ARHGAP20: variants seen among roughly 807,000 people sequenced by gnomAD.
ARHGAP20 encodes Rho GTPase activating protein 20, also known as rho GTPase-activating protein 20.
In ARHGAP20, 34 loss-of-function variants were observed where a neutral mutation model predicts 73.7. The observed-to-expected ratio is 0.46, with a 90% confidence interval of 0.35 to 0.61. The LOEUF is 0.61. Ranked by LOEUF, ARHGAP20 falls within the 20% of genes least tolerant of loss-of-function variation. The pLI is 0.00. For missense variants in ARHGAP20, 1,314 were observed against 1,420.9 expected (o/e 0.92, Z 1.21); for synonymous variants, 523 against 518.2 (o/e 1.01, Z -0.13).
intron 1 of ARHGAP20, chr11:110,711,885 T>C: frequency 3.8e-6 from 5 of 1,309,976 alleles, no homozygotes; most frequent in Non-Finnish European, 4.8e-6. Context: ...GGCTGCGAGG[T>C]CGCTCGAGGA....
chr11:110,597,910 C>T (rs1948011312), intron 9 of ARHGAP20, among the ~76,000 whole-genome samples: 2 of 152,132 alleles, frequency 1.3e-5, no homozygotes, highest in Non-Finnish European at 2.9e-5. Flanking sequence ...CTAAATGTCA[C>T]AAAGGCTAAT....
chr11:110,676,397 C>T (rs373877440), intron 2 of ARHGAP20, among the ~76,000 whole-genome samples: 3 of 152,160 alleles, frequency 2.0e-5, no homozygotes, highest in African/African-American at 7.2e-5. Flanking sequence ...AGGAAACTTA[C>T]AGTCATGGCA....
chr11:110,643,901 A>G (rs1949128173), intron 2 of ARHGAP20, among the ~76,000 whole-genome samples: 1 of 152,106 alleles, frequency 6.6e-6, no homozygotes, highest in Non-Finnish European at 1.5e-5. Context: ...TCATAGGTCT[A>G]AAATAACTTG....
intron 9 of ARHGAP20, among the ~76,000 whole-genome samples, chr11:110,595,831 G>T (rs1395789841): frequency 6.6e-6 from 1 of 152,020 alleles, no homozygotes; most frequent in Non-Finnish European, 1.5e-5. Flanking sequence ...AGCCCACATT[G>T]CCAAGTCAAT....
intron 9 of ARHGAP20, among the ~76,000 whole-genome samples, chr11:110,594,268 G>T: frequency 6.6e-6 from 1 of 152,164 alleles, no homozygotes; most frequent in East Asian, 1.9e-4. Context: ...GGTATGTAAA[G>T]CTCTTTGGCT....
chr11:110,597,498 AT>A (rs1351357920), intron 9 of ARHGAP20, among the ~76,000 whole-genome samples: 3 of 151,892 alleles, frequency 2.0e-5, no homozygotes, highest in Non-Finnish European at 4.4e-5. Context: ...TATTATTATT[AT>A]TTTTTTAGAG....
At chr11:110,662,995 G>A (rs943229606) in intron 2 of ARHGAP20, among the ~76,000 whole-genome samples, 5 of 151,888 alleles carry the variant, frequency 3.3e-5, no homozygotes, top group African/African-American at 1.2e-4. Flanking sequence ...GAAAAGTGTT[G>A]TAAACTTAAT....
intron 11 of ARHGAP20, among the ~76,000 whole-genome samples, chr11:110,589,041 C>T (rs1489999333): frequency 6.6e-6 from 1 of 151,946 alleles, no homozygotes; most frequent in Non-Finnish European, 1.5e-5. Context: ...CACTGCACTC[C>T]AGCCTGGGCA....
At chr11:110,705,324 G>T (rs927300302) in intron 1 of ARHGAP20, among the ~76,000 whole-genome samples, 6 of 152,000 alleles carry the variant, frequency 3.9e-5, no homozygotes, top group Admixed American at 1.3e-4. Context: ...TTGTCCTGCC[G>T]CCCTTTCGCC....
chr11:110,643,876 GCTGT>G (rs759815474), intron 2 of ARHGAP20, among the ~76,000 whole-genome samples: 2 of 152,018 alleles, frequency 1.3e-5, no homozygotes, highest in African/African-American at 2.4e-5. Flanking sequence ...TTATTGTATG[GCTGT>G]CTAAGTCTTT....
At chr11:110,673,911 C>T (rs1406553184) in intron 2 of ARHGAP20, among the ~76,000 whole-genome samples, 2 of 151,508 alleles carry the variant, frequency 1.3e-5, no homozygotes, top group Non-Finnish European at 2.9e-5. Context: ...ATTTCAACTC[C>T]ATTACTTAAT....
intron 9 of ARHGAP20, among the ~76,000 whole-genome samples, chr11:110,606,101 G>A (rs1591310692): frequency 1.3e-5 from 2 of 152,288 alleles, no homozygotes; most frequent in Admixed American, 1.3e-4. Flanking sequence ...AGTAGACTAA[G>A]GAGAGACTTC....
At chr11:110,622,543 T>G (rs1440464030) in intron 4 of ARHGAP20, among the ~76,000 whole-genome samples, 1 of 152,208 alleles carries the variant, frequency 6.6e-6, no homozygotes, top group Non-Finnish European at 1.5e-5. Flanking sequence ...TTTCACCATT[T>G]TTTCCATTAA....
chr11:110,585,126 T>C (rs968484831), intron 12 of ARHGAP20, among the ~76,000 whole-genome samples: 2 of 150,614 alleles, frequency 1.3e-5, no homozygotes, highest in African/African-American at 2.5e-5. Context: ...TATATGAATA[T>C]ATGTGAATGT....
intron 9 of ARHGAP20, among the ~76,000 whole-genome samples, chr11:110,598,669 C>G (rs1948033377): frequency 6.6e-6 from 1 of 152,228 alleles, no homozygotes; most frequent in Admixed American, 6.5e-5. Context: ...GTGATGGCAG[C>G]AGCAGGCTGT....
intron 2 of ARHGAP20, among the ~76,000 whole-genome samples, chr11:110,668,963 A>C (rs193045726): frequency 6.6e-6 from 1 of 152,324 alleles, no homozygotes; most frequent in East Asian, 1.9e-4. Context: ...AAAATATATA[A>C]AAATTAACTC....
intron 1 of ARHGAP20, chr11:110,711,801 C>T (rs1950664459): frequency 2.2e-6 from 3 of 1,343,998 alleles, no homozygotes; most frequent in South Asian, 1.9e-5. Context: ...AGGCGATCGC[C>T]CACTACAGCC....
chr11:110,610,790 T>C (rs1948348865), intron 7 of ARHGAP20, among the ~76,000 whole-genome samples: 1 of 152,140 alleles, frequency 6.6e-6, no homozygotes, highest in African/African-American at 2.4e-5. Context: ...TGTCTTTTTA[T>C]TTACCAATTT....
intron 2 of ARHGAP20, among the ~76,000 whole-genome samples, chr11:110,641,618 C>A (rs1257380217): frequency 1.3e-5 from 2 of 151,942 alleles, no homozygotes; most frequent in Admixed American, 6.6e-5. Context: ...TTTCTTCCCC[C>A]CCAACCCTCA....
Sources: gnomAD v4.1 joint callset for allele counts (sites outside exome capture counted in the v4.1 genomes callset) on GRCh38, gnomAD v4.1.1 for gene constraint, MANE v1.5 for transcripts, NCBI Gene and HGNC (gene_info 2026-07-23, HGNC 2026-07-21) for gene names.